Variants in MCU observed in about 807,000 individuals in gnomAD.
The protein encoded by MCU is mitochondrial calcium uniporter.
In MCU, 12 loss-of-function variants were observed where a neutral mutation model predicts 45.2. That is an observed-to-expected ratio of 0.27 (90% CI 0.17 to 0.43). The LOEUF (loss-of-function observed/expected upper bound fraction) is 0.43. Ranked by LOEUF, MCU falls within the 20% of genes least tolerant of loss-of-function variation. MCU has a pLI of 1.00. For synonymous variants in MCU, 160 were observed against 165.1 expected, an observed-to-expected ratio of 0.97 and a Z score of 0.24; for missense variants, 324 against 436.7, an observed-to-expected ratio of 0.74 and a Z score of 2.30.
At chr10:72,814,779 A>G (rs1230942674) in intron 1 of MCU, among the ~76,000 whole-genome samples, 3 of 152,348 alleles carry the variant, frequency 2.0e-5, no homozygotes, top group Admixed American at 6.5e-5. Flanking sequence ...GTGAACCTTT[A>G]TTGTAGTGTT....
At chr10:72,878,019 G>A (rs965774520) in intron 6 of MCU, among the ~76,000 whole-genome samples, 6 of 151,512 alleles carry the variant, frequency 4.0e-5, no homozygotes, top group South Asian at 2.1e-4. Flanking sequence ...GAGTGCTGAT[G>A]CTCACAGGTT....
chr10:72,868,887 T>A (rs982874337), intron 5 of MCU, 24 bp downstream of exon 5: 2 of 1,609,740 alleles, frequency 1.2e-6, no homozygotes, highest in Admixed American at 1.7e-5. Flanking sequence ...TCTCAGGTTT[T>A]TTACCTTAAC....
At chr10:72,715,696 T>C (rs770082777) in intron 1 of MCU, among the ~76,000 whole-genome samples, 10 of 152,206 alleles carry the variant, frequency 6.6e-5, no homozygotes, top group Non-Finnish European at 1.2e-4. Context: ...ATGGTTGAGG[T>C]TAATCAGGTA....
At chr10:72,880,054 A>C (rs1845677147) in intron 6 of MCU, among the ~76,000 whole-genome samples, 5 of 152,318 alleles carry the variant, frequency 3.3e-5, no homozygotes, top group South Asian at 4.1e-4. Flanking sequence ...TCTCAAAAAT[A>C]AATAAGTAAA....
chr10:72,775,751 C>T (rs1305553220), intron 1 of MCU, among the ~76,000 whole-genome samples: 1 of 152,106 alleles, frequency 6.6e-6, no homozygotes, highest in African/African-American at 2.4e-5. Flanking sequence ...CTATACACCA[C>T]CAAAATGGGA....
chr10:72,701,314 T>A (rs1303265491), intron 1 of MCU, among the ~76,000 whole-genome samples: 1 of 152,168 alleles, frequency 6.6e-6, no homozygotes, highest in Admixed American at 6.5e-5. Flanking sequence ...TTTATAGATT[T>A]AAGTGTCATA....
intron 1 of MCU, among the ~76,000 whole-genome samples, chr10:72,783,863 T>C (rs917706493): frequency 4.6e-5 from 7 of 152,350 alleles, no homozygotes; most frequent in Non-Finnish European, 7.3e-5. Context: ...TTTCTTTCTT[T>C]ATTTCTTTTT....
At position 72,885,850 on chromosome 10, in the gene MCU, G is replaced by T. The variant is rs1261204131; in HGVS notation, c.*28G>T. 1 of 1,576,972 alleles carries T rather than the reference G, an allele frequency of 6.3e-7. No homozygotes were observed. The highest frequency in any genetic ancestry group is 1.7e-5 in the Admixed American group (1 of 59,790). ...TGCAAAAAGCCTCTGAATCCTGGCAGAAGGAACACCTGTTTGCCTTTTTAA... is the reference window on the plus strand; with the variant it reads ...TGCAAAAAGCCTCTGAATCCTGGCATAAGGAACACCTGTTTGCCTTTTTAA... On this transcript the variant is annotated 3_prime_UTR_variant, in exon 8 of 8. Coordinates refer to ENST00000373053, the MANE Select transcript of MCU (RefSeq NM_138357.3).
intron 6 of MCU, among the ~76,000 whole-genome samples, chr10:72,877,534 C>T (rs1365457768): frequency 6.6e-6 from 1 of 152,008 alleles, no homozygotes; most frequent in Admixed American, 6.6e-5. Flanking sequence ...TAAATATTTA[C>T]TCTGGTTCTA....
rs78258144 is a variant in MCU, at chr10:72,824,875, A to G, written c.151-9484A>G. ...AGCAAAAATGAAAATCACACAAAGC[A>G]TACTTCTTGATTTGAAATTGTTTAC... is the stretch of plus-strand genomic sequence containing the variant. On this transcript the variant is annotated intron_variant, in intron 1 of 7. Coordinates refer to ENST00000373053, the MANE Select transcript of MCU (RefSeq NM_138357.3). Among the ~76,000 whole-genome samples, 851 of 152,346 alleles carry G rather than the reference A, an allele frequency of 5.6e-3. 9 individuals are homozygous for G. The highest frequency in any genetic ancestry group is 0.034 in the South Asian group (165 of 4,824).
intron 6 of MCU, among the ~76,000 whole-genome samples, chr10:72,880,479 G>C (rs2394932): frequency 2.3e-5 from 2 of 85,952 alleles, no homozygotes; most frequent in South Asian, 3.4e-4. Flanking sequence ...AAGGCAAAGC[G>C]GGGGGGGGGA....
intron 1 of MCU, among the ~76,000 whole-genome samples, chr10:72,751,341 CTTTTTTTTTTTTT>C (rs71021528): frequency 1.6e-4 from 7 of 44,750 alleles, no homozygotes; most frequent in Admixed American, 3.2e-4. Flanking sequence ...TCTTCTTCTT[CTTTTTTTTTTTTT>C]TTTTTTTTTT....
intron 1 of MCU, among the ~76,000 whole-genome samples, chr10:72,723,383 A>G (rs566743138): frequency 1.3e-5 from 2 of 152,212 alleles, no homozygotes; most frequent in African/African-American, 4.8e-5. Context: ...ATTTCTTTCT[A>G]TGATAAAAGT....
At chr10:72,839,024 C>G (rs920095809) in intron 2 of MCU, among the ~76,000 whole-genome samples, 1 of 151,368 alleles carries the variant, frequency 6.6e-6, no homozygotes, top group Non-Finnish European at 1.5e-5. Flanking sequence ...GAGTCCCGCT[C>G]CATCACCCAG....
At chr10:72,875,732 A>G (rs1377544999) in intron 6 of MCU, among the ~76,000 whole-genome samples, 1 of 152,258 alleles carries the variant, frequency 6.6e-6, no homozygotes, top group Non-Finnish European at 1.5e-5. Flanking sequence ...CCTTGAAATC[A>G]TAAAATCAAA....
intron 6 of MCU, among the ~76,000 whole-genome samples, chr10:72,874,082 A>G (rs1392026186): frequency 6.6e-6 from 1 of 152,100 alleles, no homozygotes. Context: ...TGGCTGTTCA[A>G]GGTTTTTTCT....
intron 1 of MCU, among the ~76,000 whole-genome samples, chr10:72,737,138 G>A (rs1331867353): frequency 1.3e-5 from 2 of 152,072 alleles, no homozygotes; most frequent in African/African-American, 2.4e-5. Flanking sequence ...ATACTATAGC[G>A]GTTGTTGATA....
At chr10:72,781,910 C>T (rs530886406) in intron 1 of MCU, among the ~76,000 whole-genome samples, 7 of 152,112 alleles carry the variant, frequency 4.6e-5, no homozygotes, top group Non-Finnish European at 1.0e-4. Flanking sequence ...GGACACTGTG[C>T]TTTGTGGCCA....
At chr10:72,714,376 T>TGG (rs1842933792) in intron 1 of MCU, among the ~76,000 whole-genome samples, 1 of 141,146 alleles carries the variant, frequency 7.1e-6, no homozygotes, top group Non-Finnish European at 1.5e-5. Context: ...TTTAAAGAGA[T>TGG]GGGGTCTTGC....
Sources: allele counts gnomAD v4.1 joint callset (sites outside exome capture counted in the v4.1 genomes callset), GRCh38; gene constraint gnomAD v4.1.1; transcripts MANE v1.5; gene names NCBI Gene and HGNC (gene_info 2026-07-23, HGNC 2026-07-21).